The following USP34 variants were observed in gnomAD, a reference collection of about 807,000 sequenced individuals.
The protein encoded by USP34 is ubiquitin carboxyl-terminal hydrolase 34.
In USP34, 70 loss-of-function variants were observed where a neutral mutation model predicts 460.3. The ratio of observed to expected loss-of-function variants is 0.15; its 90% CI spans 0.13 to 0.19. The LOEUF is 0.19. Ranked by LOEUF, USP34 falls within the 10% of genes least tolerant of loss-of-function variation. The pLI, the probability that USP34 is intolerant of heterozygous loss-of-function variation, is 1.00. For synonymous variants in USP34, 1,647 were observed against 1,405.3 expected (o/e 1.17, Z -3.85); for missense variants, 3,985 against 4,236.2 (o/e 0.94, Z 1.65).
chr2:61,227,054 CG>C lies in USP34; in HGVS notation c.7595+12del. On this transcript the variant is annotated intron_variant, in intron 62 of 79. Coordinates refer to ENST00000398571, the MANE Select transcript of USP34 (RefSeq NM_014709.4). ...AAACATGCTTTAAACATTTTAAATT[CG>C]AAACATTTCACCTTTCTGATCGAGA... 1 of 1,574,592 alleles carries C rather than the reference CG, an allele frequency of 6.4e-7. No individual in the cohort carries two copies. Among genetic ancestry groups the C allele is most frequent in the South Asian group, 1.2e-5 (1 of 83,892 alleles).
At chr2:61,392,832 C>G (rs984046732) in intron 5 of USP34, among the ~76,000 whole-genome samples, 2 of 152,180 alleles carry the variant, frequency 1.3e-5, no homozygotes, top group Non-Finnish European at 2.9e-5. Context: ...TATATGCCCT[C>G]TCCAAAATTA....
chr2:61,202,258 A>C (rs1686997613), intron 75 of USP34, among the ~76,000 whole-genome samples: 1 of 152,154 alleles, frequency 6.6e-6, no homozygotes, highest in Non-Finnish European at 1.5e-5. Flanking sequence ...ACGACTGATG[A>C]GGGGCACAAA....
chr2:61,413,611 G>A (rs528978009), intron 2 of USP34, among the ~76,000 whole-genome samples: 85 of 146,542 alleles, frequency 5.8e-4, no homozygotes, highest in Non-Finnish European at 1.1e-3. Flanking sequence ...AGTGAGCCAC[G>A]ATCACGCCAT....
intron 10 of USP34, among the ~76,000 whole-genome samples, chr2:61,367,269 A>G (rs1692469101): frequency 6.6e-6 from 1 of 152,228 alleles, no homozygotes; most frequent in Non-Finnish European, 1.5e-5. Flanking sequence ...ACTGTCTTAT[A>G]AGGCAATAAT....
At chr2:61,362,235 G>T (rs1572968593) in intron 10 of USP34, among the ~76,000 whole-genome samples, 1 of 152,176 alleles carries the variant, frequency 6.6e-6, no homozygotes, top group Admixed American at 6.5e-5. Flanking sequence ...AGTCATTTTT[G>T]AAAGCAACAT....
intron 1 of USP34, among the ~76,000 whole-genome samples, chr2:61,470,355 T>C (rs1381746323): frequency 2.0e-5 from 3 of 152,062 alleles, no homozygotes; most frequent in Non-Finnish European, 4.4e-5. Context: ...GGTTCATTAC[T>C]GCCTTCATTA....
intron 75 of USP34, among the ~76,000 whole-genome samples, chr2:61,194,450 C>T (rs940581417): frequency 6.6e-6 from 1 of 152,088 alleles, no homozygotes. Flanking sequence ...GGCCCTCAGG[C>T]CAAATCTGAC....
chr2:61,370,257 ACAGAGAAG>A, intron 10 of USP34, 56 bp downstream of exon 10: 1 of 1,512,136 alleles, frequency 6.6e-7, no homozygotes, highest in African/African-American at 1.4e-5. Context: ...AATTTACCTC[ACAGAGAAG>A]CACTTAGAAC....
intron 16 of USP34, among the ~76,000 whole-genome samples, chr2:61,342,261 C>G (rs1042660341): frequency 2.7e-5 from 4 of 147,394 alleles, no homozygotes; most frequent in Admixed American, 2.1e-4. Flanking sequence ...TACTAGATGA[C>G]AAGAGACACT....
intron 2 of USP34, among the ~76,000 whole-genome samples, chr2:61,417,744 CTTTT>C (rs55680146): frequency 1.1e-5 from 1 of 87,940 alleles, no homozygotes; most frequent in Non-Finnish European, 2.2e-5. Context: ...TTTTTCTTTT[CTTTT>C]TTTTTTTTTT....
Position 61,376,583 on chromosome 2 carries a change from C to T in USP34, c.1076+1780G>A, listed in dbSNP as rs139689360. On this transcript the variant is annotated intron_variant, in intron 8 of 79. Coordinates refer to ENST00000398571, the MANE Select transcript of USP34 (RefSeq NM_014709.4). ...ATAAGGTTCTCTTTAAGCGGTCTCG[C>T]GGAGGTGGAGGGGTGAGGGGACACA... Among the ~76,000 whole-genome samples the T allele has an allele frequency of 3.4e-3, 521 of 152,206 alleles. 3 individuals carry two copies. Among genetic ancestry groups the T allele is most frequent in the Non-Finnish European group, 6.0e-3 (411 of 68,012 alleles).
intron 41 of USP34, among the ~76,000 whole-genome samples, chr2:61,268,095 CAT>C (rs1689105898): frequency 6.6e-6 from 1 of 152,210 alleles, no homozygotes; most frequent in East Asian, 1.9e-4. Flanking sequence ...AGAACCTACT[CAT>C]ATACTTCACA....
chr2:61,349,054 T>C (rs1350008657), intron 13 of USP34, among the ~76,000 whole-genome samples, 168 bp from the exon 14 acceptor site: 4 of 151,788 alleles, frequency 2.6e-5, no homozygotes, highest in African/African-American at 9.7e-5. Flanking sequence ...CTAAAGAAGA[T>C]GTAAGATTCA....
At chr2:61,429,481 GCTGGGTGTGGTAGCATGCAC>G (rs1216006934) in intron 1 of USP34, among the ~76,000 whole-genome samples, 3 of 152,112 alleles carry the variant, frequency 2.0e-5, no homozygotes, top group Admixed American at 6.6e-5. Context: ...AATAAAATTA[GCTGGGTGTGGTAGCATGCAC>G]CTGTAGTCCT....
intron 33 of USP34, among the ~76,000 whole-genome samples, 183 bp from the exon 34 acceptor site, chr2:61,289,060 A>G (rs1183475806): frequency 6.6e-6 from 1 of 152,232 alleles, no homozygotes; most frequent in African/African-American, 2.4e-5. Context: ...AAAATGAAGA[A>G]AAAGTATCTA....
At chr2:61,311,420 T>C (rs548646483) in intron 27 of USP34, 120 bp downstream of exon 27, 45 of 1,017,304 alleles carry the variant, frequency 4.4e-5, no homozygotes, top group Non-Finnish European at 5.8e-5. Flanking sequence ...TGCTATATGA[T>C]ATAACCAAGA....
At chr2:61,440,440 G>C (rs1023493810) in intron 1 of USP34, among the ~76,000 whole-genome samples, 2 of 152,042 alleles carry the variant, frequency 1.3e-5, no homozygotes, top group Non-Finnish European at 1.5e-5. Flanking sequence ...TCCATGGAAG[G>C]AACTTGCTCT....
At chr2:61,363,063 C>A (rs1042148054) in intron 10 of USP34, among the ~76,000 whole-genome samples, 1 of 152,170 alleles carries the variant, frequency 6.6e-6, no homozygotes, top group Admixed American at 6.5e-5. Context: ...ACAGACATTT[C>A]TCCGAAGCAA....
intron 16 of USP34, among the ~76,000 whole-genome samples, chr2:61,342,459 C>T (rs193302497): frequency 1.1e-4 from 16 of 150,480 alleles, no homozygotes; most frequent in South Asian, 2.2e-4. Context: ...CACCACCATA[C>T]GCAGCTAATT....
Sources: allele counts gnomAD v4.1 joint callset (sites outside exome capture counted in the v4.1 genomes callset), GRCh38; gene constraint gnomAD v4.1.1; transcripts MANE v1.5; gene names NCBI Gene and HGNC (gene_info 2026-07-23, HGNC 2026-07-21).